THADA: variants seen among roughly 807,000 people sequenced by gnomAD.
The protein encoded by THADA is THADA armadillo repeat containing.
THADA carries 213 observed loss-of-function variants against 219.8 expected under a neutral mutation model. That is an observed-to-expected ratio of 0.97 (90% CI 0.87 to 1.09). The LOEUF (loss-of-function observed/expected upper bound fraction) is 1.09, where lower values mean the gene tolerates loss of function less well. Among genes scored for constraint, THADA ranks in the 50% least tolerant of loss-of-function variants. The pLI, the probability that THADA is intolerant of heterozygous loss-of-function variation, is 0.00. For missense variants in THADA, 2,956 were observed against 2,311.3 expected (o/e 1.28, Z -5.72); for synonymous variants, 1,018 against 828.9 (o/e 1.23, Z -3.92).
chr2:43,503,109 T>C (rs999588039), intron 24 of THADA, among the ~76,000 whole-genome samples: 1 of 152,232 alleles, frequency 6.6e-6, no homozygotes, highest in Non-Finnish European at 1.5e-5. Context: ...ACTCTTATAC[T>C]CTGCTGGCAG....
chr2:43,548,200 G>T (rs1696294041), intron 20 of THADA, among the ~76,000 whole-genome samples: 1 of 152,182 alleles, frequency 6.6e-6, no homozygotes, highest in African/African-American at 2.4e-5. Context: ...AACCGCGAAT[G>T]CTGCTGTCTG....
At chr2:43,254,686 C>G (rs1382906519) in intron 36 of THADA, among the ~76,000 whole-genome samples, 11 of 152,154 alleles carry the variant, frequency 7.2e-5, no homozygotes, top group African/African-American at 2.7e-4. Context: ...CTGTAATGAA[C>G]TTTCCTCCAA....
intron 36 of THADA, among the ~76,000 whole-genome samples, chr2:43,262,891 A>C (rs1293536952): frequency 6.6e-6 from 1 of 152,212 alleles, no homozygotes; most frequent in Non-Finnish European, 1.5e-5. Context: ...ATCTGTGTAC[A>C]TATTGCAGTG....
intron 29 of THADA, among the ~76,000 whole-genome samples, chr2:43,353,073 C>G (rs1668465983): frequency 6.6e-6 from 1 of 152,202 alleles, no homozygotes; most frequent in African/African-American, 2.4e-5. Flanking sequence ...ATGGCAAGAT[C>G]TCCTCCTTTT....
At chr2:43,585,110 T>G (rs893848041) in intron 7 of THADA, among the ~76,000 whole-genome samples, 6 of 151,750 alleles carry the variant, frequency 4.0e-5, no homozygotes, top group African/African-American at 1.5e-4. Flanking sequence ...CAAGGAAGAG[T>G]TACCCCAAGA....
intron 36 of THADA, among the ~76,000 whole-genome samples, chr2:43,263,293 C>G (rs1671166042): frequency 6.6e-6 from 1 of 152,104 alleles, no homozygotes; most frequent in African/African-American, 2.4e-5. Flanking sequence ...GTCTCATTCT[C>G]CATTGCATGA....
chr2:43,281,600 C>A (rs1458422725), intron 35 of THADA, among the ~76,000 whole-genome samples: 1 of 151,514 alleles, frequency 6.6e-6, no homozygotes, highest in African/African-American at 2.4e-5. Context: ...CACCACCACA[C>A]CCGGCTAATT....
At chr2:43,233,266 A>G in intron 36 of THADA, 1 of 191,220 alleles carries the variant, frequency 5.2e-6, no homozygotes, top group Non-Finnish European at 1.1e-5. Context: ...TTTCCTTGGA[A>G]AGCAGATCTC....
At chr2:43,317,111 CAA>C (rs1291631954) in intron 31 of THADA, among the ~76,000 whole-genome samples, 1 of 152,134 alleles carries the variant, frequency 6.6e-6, no homozygotes, top group Non-Finnish European at 1.5e-5. Flanking sequence ...CCTAAGGTCA[CAA>C]AGTTAGTAAA....
chr2:43,367,464 T>G (rs1670295367), intron 29 of THADA, among the ~76,000 whole-genome samples: 1 of 152,242 alleles, frequency 6.6e-6, no homozygotes, highest in Admixed American at 6.5e-5. Flanking sequence ...TCTTCATCTA[T>G]TAAAAAGCCT....
intron 36 of THADA, among the ~76,000 whole-genome samples, chr2:43,271,335 A>T (rs906854455): frequency 1.3e-5 from 2 of 152,234 alleles, no homozygotes; most frequent in Admixed American, 6.5e-5. Context: ...GTCTCTAGGA[A>T]GAAGTCAGGA....
At chr2:43,238,118 CAAAAAAAAAAAAAAA>C (rs59802310) in intron 36 of THADA, among the ~76,000 whole-genome samples, 36 of 28,258 alleles carry the variant, frequency 1.3e-3, no homozygotes, top group Middle Eastern at 0.083. Flanking sequence ...GATTCCATCT[CAAAAAAAAAAAAAAA>C]AAAAAAAAAA....
intron 37 of THADA, 53 bp downstream of exon 37, chr2:43,232,660 G>T: frequency 6.3e-7 from 1 of 1,575,980 alleles, no homozygotes; most frequent in East Asian, 2.3e-5. Context: ...TGCATCTAGC[G>T]GGTTTAGGAC....
chr2:43,266,395 T>A (rs959120527), intron 36 of THADA, among the ~76,000 whole-genome samples: 21 of 152,118 alleles, frequency 1.4e-4, no homozygotes, highest in African/African-American at 4.6e-4. Flanking sequence ...ATCCAGACCA[T>A]CCTGGCTAAC....
intron 26 of THADA, 66 bp downstream of exon 26, chr2:43,485,168 T>C: frequency 8.0e-7 from 1 of 1,242,272 alleles, no homozygotes; most frequent in East Asian, 2.3e-5. Flanking sequence ...ATTTCAAAAT[T>C]TGTTTTTGGC....
At chr2:43,426,321 G>A (rs1218382065) in intron 28 of THADA, among the ~76,000 whole-genome samples, 1 of 152,178 alleles carries the variant, frequency 6.6e-6, no homozygotes, top group Non-Finnish European at 1.5e-5. Context: ...AGACTGAGTA[G>A]TAAAAAGCTT....
rs1471870023 is a variant in THADA at position 43,545,499 on chromosome 2, G to A, written c.3106+3711C>T. Among the ~76,000 whole-genome samples, 4 of 152,168 alleles carry A rather than the reference G, an allele frequency of 2.6e-5. No homozygotes were observed. In the East Asian group the frequency reaches 7.7e-4, roughly 29 times the overall value. ...GTAGAATTCGGCTGTGAATCCATCT[G>A]GTCCTGGACTCTTTTTGTTGGTAAG... On this transcript the variant is annotated intron_variant, in intron 20 of 37. Transcript: ENST00000405975.
At chr2:43,419,613 T>G (rs1677441031) in intron 28 of THADA, among the ~76,000 whole-genome samples, 1 of 152,230 alleles carries the variant, frequency 6.6e-6, no homozygotes, top group Non-Finnish European at 1.5e-5. Context: ...ACATTTTTGA[T>G]CTAAAATGTT....
rs148049833 is a variant in THADA at position 43,402,620 on chromosome 2, C to T, written c.4059-4481G>A. On this transcript the variant is annotated intron_variant, in intron 28 of 37. Coordinates refer to ENST00000405975, the MANE Select transcript of THADA (RefSeq NM_022065.5). Reference sequence around the variant, plus strand: ...AAAACTGTCTCTGCCCACACACATCCGTAGGGACATCTACTGAGTACCTAG... The same window carrying T: ...AAAACTGTCTCTGCCCACACACATCTGTAGGGACATCTACTGAGTACCTAG... Among the ~76,000 whole-genome samples the T allele has an allele frequency of 2.3e-3, 355 of 152,268 alleles. 2 individuals carry two copies. Among genetic ancestry groups the T allele is most frequent in the Middle Eastern group, 0.01 (3 of 294 alleles).
Sources: gnomAD v4.1 joint callset for allele counts (sites outside exome capture counted in the v4.1 genomes callset) on GRCh38, gnomAD v4.1.1 for gene constraint, MANE v1.5 for transcripts, NCBI Gene and HGNC (gene_info 2026-07-23, HGNC 2026-07-21) for gene names.